Variants in NOB1 observed in about 807,000 individuals in gnomAD.
NOB1 encodes NIN1 (RPN12) binding protein 1 homolog, also known as RNA-binding protein NOB1.
A neutral mutation model predicts 44.8 loss-of-function variants in NOB1; 44 were observed. The observed-to-expected ratio is 0.98, with a 90% CI of 0.77 to 1.26. The LOEUF is 1.26. Ranked by LOEUF, NOB1 falls within the 50% of genes most tolerant of loss-of-function variation. The pLI is 0.00. For synonymous variants in NOB1, 238 were observed against 218.7 expected (o/e 1.09, Z -0.78); for missense variants, 560 against 544.8 (o/e 1.03, Z -0.28).
chr16:69,748,658 G>C (rs2151753868), intron 6 of NOB1: 1 of 534,314 alleles, frequency 1.9e-6, no homozygotes, highest in East Asian at 3.0e-5. Context: ...TGACCACATG[G>C]CATTATATAT....
In NOB1 at chr16:69,749,561, T is replaced by C. The variant is rs751320087; in HGVS notation, c.397A>G (p.Lys133Glu). The change falls in exon 4 of 9, where the codon AAG becomes GAG. Residue 133 changes from lysine to glutamate, a missense_variant and splice_region_variant. Coordinates refer to ENST00000268802, the MANE Select transcript of NOB1 (RefSeq NM_014062.3). ...LHISGFHLPY[K>E]PKPPQETEKG... ...GCCTGGCTTGTCTAAGAAATTACCT[T>C]GTAGGGCAGATGGAAACCAGAAATG... is the stretch of plus-strand genomic sequence containing the variant. The C allele has an allele frequency of 4.0e-5, 65 of 1,613,064 alleles. No individual in the cohort carries two copies. In the Middle Eastern group the frequency reaches 6.6e-4, roughly 16 times the overall value.
chr16:69,747,678 G>A (rs943611565), intron 7 of NOB1, among the ~76,000 whole-genome samples: 19 of 152,112 alleles, frequency 1.2e-4, no homozygotes, highest in African/African-American at 3.4e-4. Context: ...GCTAAAGAAT[G>A]AGGCTCACTG....
At chr16:69,745,605 C>G (rs1033622028) in intron 7 of NOB1, among the ~76,000 whole-genome samples, 1 of 152,194 alleles carries the variant, frequency 6.6e-6, no homozygotes, top group Admixed American at 6.5e-5. Context: ...CTGAACTAAG[C>G]CCGGGCACTG....
chr16:69,753,067 C>T (rs2038496292), intron 2 of NOB1, among the ~76,000 whole-genome samples: 1 of 152,064 alleles, frequency 6.6e-6, no homozygotes. Flanking sequence ...CCTAAAAATA[C>T]AAAAGTTAGC....
At chr16:69,754,433 T>G (rs1476154350) in intron 2 of NOB1, among the ~76,000 whole-genome samples, 161 bp downstream of exon 2, 2 of 152,144 alleles carry the variant, frequency 1.3e-5, no homozygotes, top group African/African-American at 4.8e-5. Flanking sequence ...ACTGGAGGAC[T>G]CCAGACCCAG....
chr16:69,744,006 C>G (rs766944524), intron 8 of NOB1, among the ~76,000 whole-genome samples: 7 of 152,240 alleles, frequency 4.6e-5, no homozygotes, highest in Non-Finnish European at 8.8e-5. Context: ...CATGATTAAC[C>G]CTGGGAAATC....
intron 3 of NOB1, 42 bp downstream of exon 3, chr16:69,752,199 C>G: frequency 6.3e-7 from 1 of 1,586,854 alleles, no homozygotes; most frequent in Non-Finnish European, 8.6e-7. Context: ...CCTGACAGTT[C>G]CCATAATACA....
chr16:69,748,484 G>C (rs113667431), intron 6 of NOB1, among the ~76,000 whole-genome samples, 155 bp from the exon 7 acceptor site: 11 of 152,288 alleles, frequency 7.2e-5, no homozygotes, highest in African/African-American at 2.4e-4. Flanking sequence ...GTGTAAACGA[G>C]GACGAAGGCC....
intron 8 of NOB1, among the ~76,000 whole-genome samples, chr16:69,744,498 C>T (rs1424862080): frequency 6.6e-6 from 1 of 152,152 alleles, no homozygotes; most frequent in Non-Finnish European, 1.5e-5. Context: ...TTCTCTGCGT[C>T]GGCAGCTGCT....
intron 3 of NOB1, 33 bp downstream of exon 3, chr16:69,752,208 C>G: frequency 1.2e-6 from 2 of 1,601,492 alleles, no homozygotes; most frequent in Non-Finnish European, 1.7e-6. Flanking sequence ...TCCCATAATA[C>G]AAAGCTTTTA....
chr16:69,749,445 G>T, intron 4 of NOB1, 107 bp from the exon 5 acceptor site: 1 of 1,540,430 alleles, frequency 6.5e-7, no homozygotes, highest in Non-Finnish European at 8.9e-7. Flanking sequence ...GACAGGGCTG[G>T]ACAAACTATG....
chr16:69,752,427 A>T (rs1355646076), intron 2 of NOB1, 56 bp from the exon 3 acceptor site: 2 of 1,575,432 alleles, frequency 1.3e-6, no homozygotes, highest in Admixed American at 3.4e-5. Flanking sequence ...ATGACCTTGG[A>T]TAACCAATGG....
At chr16:69,752,711 G>A (rs2038492923) in intron 2 of NOB1, among the ~76,000 whole-genome samples, 1 of 152,094 alleles carries the variant, frequency 6.6e-6, no homozygotes, top group Non-Finnish European at 1.5e-5. Flanking sequence ...AGGCAGAGGT[G>A]GGCGGATCAC....
At position 69,754,830 on chromosome 16, in the gene NOB1, G is replaced by A; in HGVS notation, c.63+18C>T. ...GGCCAGCCCAGATCTCTCTCGTCCC[G>A]GAGGGAGCTCCCCGTACCTGCAGAG... is the stretch of plus-strand genomic sequence containing the variant. On this transcript the variant is annotated intron_variant, in intron 1 of 8. Transcript: ENST00000268802. 5 of 1,605,132 alleles carry A rather than the reference G, an allele frequency of 3.1e-6. No homozygotes were observed. Among genetic ancestry groups the A allele is most frequent in the South Asian group, 2.2e-5 (2 of 90,302 alleles).
intron 7 of NOB1, among the ~76,000 whole-genome samples, chr16:69,746,093 C>T (rs1181469513): frequency 6.6e-6 from 1 of 152,252 alleles, no homozygotes; most frequent in Non-Finnish European, 1.5e-5. Flanking sequence ...GGCTGGCCAC[C>T]AGCAGAGCCA....
At chr16:69,753,633 T>C (rs2038500441) in intron 2 of NOB1, among the ~76,000 whole-genome samples, 2 of 152,160 alleles carry the variant, frequency 1.3e-5, no homozygotes, top group South Asian at 2.1e-4. Flanking sequence ...AGCTACTAAG[T>C]TGGTGGAGAA....
At chr16:69,745,414 A>G (rs2038422220) in intron 7 of NOB1, among the ~76,000 whole-genome samples, 1 of 152,230 alleles carries the variant, frequency 6.6e-6, no homozygotes, top group Admixed American at 6.5e-5. Flanking sequence ...TCCATGGCAG[A>G]TAAACCCAGG....
At chr16:69,752,217 T>TAA in intron 3 of NOB1, 24 bp downstream of exon 3, 1 of 1,605,356 alleles carries the variant, frequency 6.2e-7, no homozygotes, top group South Asian at 1.1e-5. Flanking sequence ...ACAAAGCTTT[T>TAA]AAAAACCCAT....
intron 2 of NOB1, among the ~76,000 whole-genome samples, chr16:69,753,088 GGCGTGTGCCT>G (rs1303373851): frequency 6.6e-6 from 1 of 152,106 alleles, no homozygotes; most frequent in Non-Finnish European, 1.5e-5. Flanking sequence ...CAGGTGTGGT[GGCGTGTGCCT>G]GTAGTCCCAG....
Sources: gnomAD v4.1 joint callset for allele counts (sites outside exome capture counted in the v4.1 genomes callset) on GRCh38, gnomAD v4.1.1 for gene constraint, MANE v1.5 for transcripts, NCBI Gene and HGNC (gene_info 2026-07-23, HGNC 2026-07-21) for gene names.